ROBO2: variants seen among roughly 807,000 people sequenced by gnomAD.
ROBO2 encodes roundabout homolog 2.
Under a neutral mutation model 160.8 loss-of-function variants are expected in ROBO2, and 53 were observed. That is an observed-to-expected ratio of 0.33 (90% CI 0.26 to 0.41). The LOEUF (loss-of-function observed/expected upper bound fraction) is 0.41. Among genes scored for constraint, ROBO2 ranks in the 10% least tolerant of loss-of-function variants. The pLI is 1.00. For synonymous variants in ROBO2, 664 were observed against 611.7 expected (o/e 1.09, Z -1.26); for missense variants, 1,577 against 1,722.4 (o/e 0.92, Z 1.49).
At chr3:76,014,714 G>A (rs1322275847) in intron 2 of ROBO2, among the ~76,000 whole-genome samples, 1 of 152,156 alleles carries the variant, frequency 6.6e-6, no homozygotes, top group Non-Finnish European at 1.5e-5. Flanking sequence ...GATCACTTTA[G>A]CCCAGAAGTT....
At chr3:77,393,830 G>A (rs2074993837) in intron 2 of ROBO2, among the ~76,000 whole-genome samples, 1 of 151,624 alleles carries the variant, frequency 6.6e-6, no homozygotes, top group Non-Finnish European at 1.5e-5. Context: ...ATGAAATCTG[G>A]AGTTCTTTTC....
At chr3:76,650,408 G>A (rs999404930) in intron 2 of ROBO2, among the ~76,000 whole-genome samples, 1 of 151,708 alleles carries the variant, frequency 6.6e-6, no homozygotes, top group Non-Finnish European at 1.5e-5. Context: ...GCATTCTCTG[G>A]CTTTGCTTTA....
intron 2 of ROBO2, among the ~76,000 whole-genome samples, chr3:76,450,464 A>G (rs552106542): frequency 6.6e-6 from 1 of 152,186 alleles, no homozygotes; most frequent in Non-Finnish European, 1.5e-5. Context: ...GCAGAAAAAA[A>G]TGATGAAAAT....
At chr3:76,301,565 T>G (rs2107740570) in intron 2 of ROBO2, among the ~76,000 whole-genome samples, 1 of 152,234 alleles carries the variant, frequency 6.6e-6, no homozygotes, top group South Asian at 2.1e-4. Flanking sequence ...GTACTTGATC[T>G]CATTACACCT....
At chr3:77,317,466 T>A in intron 2 of ROBO2, 2 of 1,529,222 alleles carry the variant, frequency 1.3e-6, no homozygotes, top group South Asian at 2.2e-5. Flanking sequence ...GGTCTCAGTG[T>A]TGGCTGAGCC....
intron 2 of ROBO2, among the ~76,000 whole-genome samples, chr3:76,122,773 G>C (rs2070805161): frequency 6.6e-6 from 1 of 152,088 alleles, no homozygotes; most frequent in Non-Finnish European, 1.5e-5. Flanking sequence ...ACTGTAGCAT[G>C]ATGGACATAT....
chr3:77,277,181 T>TTTCTTTCTTTC (rs1553882954), intron 2 of ROBO2, among the ~76,000 whole-genome samples: 90 of 100,238 alleles, frequency 9.0e-4, no homozygotes, highest in African/African-American at 3.0e-3. Flanking sequence ...TCTTTCTTTC[T>TTTCTTTCTTTC]TTCTTTCTTT....
At chr3:76,685,868 TTTAA>T (rs1336995496) in intron 2 of ROBO2, among the ~76,000 whole-genome samples, 1 of 152,232 alleles carries the variant, frequency 6.6e-6, no homozygotes, top group African/African-American at 2.4e-5. Context: ...TACGCATGAC[TTTAA>T]TTAATTCATC....
At chr3:75,986,790 C>G (rs1407151153) in intron 2 of ROBO2, among the ~76,000 whole-genome samples, 1 of 151,492 alleles carries the variant, frequency 6.6e-6, no homozygotes, top group Non-Finnish European at 1.5e-5. Context: ...CACCACCATC[C>G]CACCATCTTT....
intron 2 of ROBO2, among the ~76,000 whole-genome samples, chr3:77,453,978 C>T (rs554780909): frequency 2.4e-4 from 37 of 152,094 alleles, no homozygotes; most frequent in African/African-American, 7.2e-4. Flanking sequence ...TTTGCTCCCC[C>T]GTTCAATCAG....
At chr3:77,560,043 C>A (rs181108043) in intron 9 of ROBO2, among the ~76,000 whole-genome samples, 1 of 152,142 alleles carries the variant, frequency 6.6e-6, no homozygotes, top group Non-Finnish European at 1.5e-5. Flanking sequence ...AGACTTGGGC[C>A]ATAGAGGTTA....
chr3:76,631,102 T>G (rs1219726752), intron 2 of ROBO2, among the ~76,000 whole-genome samples: 1 of 152,120 alleles, frequency 6.6e-6, no homozygotes, highest in Non-Finnish European at 1.5e-5. Context: ...TCCAGAATTA[T>G]TGGAAAATAA....
intron 2 of ROBO2, among the ~76,000 whole-genome samples, chr3:76,180,487 C>T (rs903685571): frequency 6.6e-6 from 1 of 152,118 alleles, no homozygotes; most frequent in Non-Finnish European, 1.5e-5. Flanking sequence ...TTAAATGGTA[C>T]CATCTTCCAT....
intron 2 of ROBO2, among the ~76,000 whole-genome samples, chr3:76,728,878 A>G (rs1310558428): frequency 1.3e-5 from 2 of 151,466 alleles, no homozygotes; most frequent in Non-Finnish European, 2.9e-5. Context: ...TAGTTTATAG[A>G]GTACCAGTAG....
chr3:77,456,353 A>C (rs1371507655), intron 2 of ROBO2, among the ~76,000 whole-genome samples: 1 of 152,186 alleles, frequency 6.6e-6, no homozygotes, highest in Non-Finnish European at 1.5e-5. Flanking sequence ...GCCCTGCTTC[A>C]AAGGAAAGAA....
chr3:76,036,848 A>G (rs2067126243), intron 2 of ROBO2, among the ~76,000 whole-genome samples: 1 of 151,998 alleles, frequency 6.6e-6, no homozygotes. Flanking sequence ...ATAAAATATT[A>G]TTTATCCCTG....
At chr3:76,646,527 A>G (rs143463898) in intron 2 of ROBO2, among the ~76,000 whole-genome samples, 78 of 152,336 alleles carry the variant, frequency 5.1e-4, no homozygotes, top group Middle Eastern at 6.8e-3. Context: ...CATTCATGAA[A>G]TGTGAATAAT....
In ROBO2 at chr3:77,429,429, C is replaced by T. The variant is rs139865977; in HGVS notation, c.389-47985C>T. On this transcript the variant is annotated intron_variant, in intron 2 of 25. Transcript: ENST00000461745. ...GTAAAATGATATTTCTCCCCTTCCT[C>T]AGACTTGATTGGAAATTCTTCCTTT... is the stretch of plus-strand genomic sequence containing the variant. Among the ~76,000 whole-genome samples the T allele has an allele frequency of 4.9e-3, 748 of 152,204 alleles. 5 individuals carry two copies. The highest frequency in any genetic ancestry group is 5.7e-3 in the Non-Finnish European group (391 of 68,006).
At chr3:76,367,388 T>G (rs1026896616) in intron 2 of ROBO2, among the ~76,000 whole-genome samples, 1 of 151,944 alleles carries the variant, frequency 6.6e-6, no homozygotes, top group African/African-American at 2.4e-5. Context: ...ACTCTATTTT[T>G]TTTTCTTAAT....
Sources: allele counts gnomAD v4.1 joint callset (sites outside exome capture counted in the v4.1 genomes callset), GRCh38; gene constraint gnomAD v4.1.1; transcripts MANE v1.5; gene names NCBI Gene and HGNC (gene_info 2026-07-23, HGNC 2026-07-21).